SLC9D1: variants seen among roughly 807,000 people sequenced by gnomAD.
SLC9D1 encodes the protein solute carrier family 9 member D1, also known as putative LAG1-interacting protein.
chr13:113,508,125 G>A, the SLC9D1 span, among the ~76,000 whole-genome samples: 14 of 152,248 alleles, frequency 9.2e-5, no homozygotes, highest in African/African-American at 3.4e-4. Context: ...TTTCTCCCAG[G>A]GCCCTCCTGG....
chr13:113,517,418 C>G, the SLC9D1 span, among the ~76,000 whole-genome samples: 2 of 152,056 alleles, frequency 1.3e-5, no homozygotes, highest in Non-Finnish European at 2.9e-5. Flanking sequence ...TTAGTAGAGA[C>G]GGGGTTTCAC....
the SLC9D1 span, chr13:113,539,494 C>T: frequency 1.2e-6 from 2 of 1,612,518 alleles, no homozygotes; most frequent in Non-Finnish European, 1.7e-6. The surrounding 1 kb of genome is among the most constrained non-coding windows in gnomAD (Gnocchi z 4.8). Context: ...CCATCGTTTT[C>T]TTCGCCTCCA....
chr13:113,507,164 C>T, the SLC9D1 span, among the ~76,000 whole-genome samples: 1 of 152,092 alleles, frequency 6.6e-6, no homozygotes. Context: ...CAACTCCTCT[C>T]ACCCGTTGCC....
At chr13:113,517,302 A>G in the SLC9D1 span, among the ~76,000 whole-genome samples, 4 of 152,222 alleles carry the variant, frequency 2.6e-5, no homozygotes, top group African/African-American at 2.4e-5. Context: ...GCACAATTTC[A>G]GCTCACTGCA....
At chr13:113,533,119 C>T in the SLC9D1 span, among the ~76,000 whole-genome samples, 2 of 113,672 alleles carry the variant, frequency 1.8e-5, no homozygotes, top group Non-Finnish European at 3.5e-5. Context: ...CTACTGAAGT[C>T]GCAGACGTGG....
chr13:113,496,450 C>T, the SLC9D1 span, among the ~76,000 whole-genome samples: 58 of 152,090 alleles, frequency 3.8e-4, no homozygotes, highest in African/African-American at 1.3e-3. Context: ...TGTCATATAT[C>T]GAAAATAAAA....
chr13:113,526,212 C>A, the SLC9D1 span, among the ~76,000 whole-genome samples: 1 of 151,300 alleles, frequency 6.6e-6, no homozygotes, highest in African/African-American at 2.4e-5. Flanking sequence ...AGTTTTTAAC[C>A]AAAAAGTTTA....
the SLC9D1 span, chr13:113,503,680 C>T: frequency 1.4e-6 from 1 of 725,382 alleles, no homozygotes; most frequent in South Asian, 1.7e-5. Flanking sequence ...GATGAATTCA[C>T]TATCAAATGT....
the SLC9D1 span, among the ~76,000 whole-genome samples, chr13:113,537,336 C>T: frequency 6.6e-6 from 1 of 152,252 alleles, no homozygotes; most frequent in African/African-American, 2.4e-5. Flanking sequence ...CTCCCCCCAG[C>T]TCCTCGAGGC....
chr13:113,502,015 G>A, the SLC9D1 span: 1 of 713,392 alleles, frequency 1.4e-6, no homozygotes, highest in Non-Finnish European at 2.3e-6. Context: ...TGTCCTTTCA[G>A]GTGTCACGGG....
chr13:113,506,184 C>G, the SLC9D1 span: 568 of 91,786 alleles, frequency 6.2e-3, no homozygotes, highest in Admixed American at 0.014. Flanking sequence ...GAGGAAGGAG[C>G]CTGTTACGGG....
At chr13:113,539,581 C>A in the SLC9D1 span, 1 of 1,427,062 alleles carries the variant, frequency 7.0e-7, no homozygotes, top group Non-Finnish European at 9.4e-7. This position sits in a 1 kb window ranked among gnomAD's most constrained non-coding sequence, Gnocchi z 4.8. Context: ...TGTTTACGTG[C>A]ATATATATTT....
At chr13:113,511,190 A>G in the SLC9D1 span, among the ~76,000 whole-genome samples, 1 of 152,358 alleles carries the variant, frequency 6.6e-6, no homozygotes, top group African/African-American at 2.4e-5. Context: ...CTGCCTACCC[A>G]CTGGGTAAGC....
the SLC9D1 span, among the ~76,000 whole-genome samples, chr13:113,544,369 C>T: frequency 6.6e-6 from 1 of 152,238 alleles, no homozygotes; most frequent in Non-Finnish European, 1.5e-5. Flanking sequence ...CACCACAGAG[C>T]AAGGTCGGGG....
the SLC9D1 span, chr13:113,548,520 G>A: frequency 3.3e-6 from 5 of 1,533,450 alleles, no homozygotes; most frequent in Non-Finnish European, 4.4e-6. Context: ...TGAGTCGGGT[G>A]TGGCGAAGGC....
At chr13:113,501,690 G>A in the SLC9D1 span, 1 of 1,398,348 alleles carries the variant, frequency 7.2e-7, no homozygotes, top group Non-Finnish European at 9.9e-7. Context: ...GCCTCAGCCA[G>A]CCAGCCCCCT....
At chr13:113,516,449 C>A in the SLC9D1 span, among the ~76,000 whole-genome samples, 1 of 151,934 alleles carries the variant, frequency 6.6e-6, no homozygotes, top group South Asian at 2.1e-4. Flanking sequence ...CCTGTAATCC[C>A]CAGCTACTCG....
the SLC9D1 span, among the ~76,000 whole-genome samples, chr13:113,525,336 C>T: frequency 1.3e-5 from 2 of 152,154 alleles, no homozygotes; most frequent in Non-Finnish European, 2.9e-5. Flanking sequence ...GATGCTGGCA[C>T]GAACAAACCT....
the SLC9D1 span, chr13:113,527,426 C>G: frequency 3.3e-5 from 5 of 152,220 alleles, no homozygotes; most frequent in East Asian, 9.7e-4. Flanking sequence ...CGCGTCACTC[C>G]GAGGGCATCT....
Sources: gnomAD v4.1 joint callset for allele counts (sites outside exome capture counted in the v4.1 genomes callset) on GRCh38, gnomAD v4.1.1 for gene constraint, Gnocchi (gnomAD v3.1) non-coding constraint, MANE v1.5 for transcripts, NCBI Gene and HGNC (gene_info 2026-07-23, HGNC 2026-07-21) for gene names.